RIMS2: variants seen among roughly 807,000 people sequenced by gnomAD.
RIMS2 encodes the protein regulating synaptic membrane exocytosis protein 2.
In RIMS2, 59 loss-of-function variants were observed where a neutral mutation model predicts 174.4. That is an observed-to-expected ratio of 0.34 (90% CI 0.27 to 0.42). RIMS2 has a LOEUF of 0.42. Ranked by LOEUF, RIMS2 falls within the 10% of genes least tolerant of loss-of-function variation. The probability of loss-of-function intolerance (pLI) is 1.00; values close to 1 mark genes in which losing one functional copy is unlikely to be tolerated. For missense variants in RIMS2, 1,620 were observed against 1,666.3 expected (o/e 0.97, Z 0.48); for synonymous variants, 606 against 572.5 (o/e 1.06, Z -0.84).
chr8:103,626,741 G>A (rs781410268), intron 1 of RIMS2, among the ~76,000 whole-genome samples: 8 of 152,112 alleles, frequency 5.3e-5, no homozygotes, highest in Non-Finnish European at 1.0e-4. Context: ...CTGGGCCTCC[G>A]GGGGTGTCAT....
chr8:104,159,750 C>T (rs1001864433), intron 19 of RIMS2, among the ~76,000 whole-genome samples: 9 of 152,080 alleles, frequency 5.9e-5, no homozygotes, highest in African/African-American at 1.7e-4. Context: ...TATTGGAGAC[C>T]TTTGCCCATT....
At chr8:104,015,693 A>C (rs576527067) in intron 19 of RIMS2, among the ~76,000 whole-genome samples, 12 of 152,226 alleles carry the variant, frequency 7.9e-5, no homozygotes, top group Non-Finnish European at 1.8e-4. Flanking sequence ...AAATTCTTTT[A>C]AATGACCAGA....
intron 1 of RIMS2, among the ~76,000 whole-genome samples, chr8:103,623,434 C>A (rs1024646497): frequency 1.4e-5 from 2 of 147,074 alleles, no homozygotes; most frequent in Non-Finnish European, 3.0e-5. Context: ...AATGTTGAAT[C>A]ATTTCCTTGG....
At chr8:103,938,257 G>A (rs2081720772) in intron 13 of RIMS2, among the ~76,000 whole-genome samples, 1 of 152,112 alleles carries the variant, frequency 6.6e-6, no homozygotes, top group African/African-American at 2.4e-5. Flanking sequence ...AGACATACCC[G>A]AGACTGGGAA....
chr8:103,990,786 A>G (rs1422704408), intron 17 of RIMS2, among the ~76,000 whole-genome samples: 2 of 152,050 alleles, frequency 1.3e-5, no homozygotes, highest in Non-Finnish European at 2.9e-5. Flanking sequence ...TCTGAAATGA[A>G]TTTAAACTTT....
chr8:103,923,274 TGC>T (rs2078076877), intron 10 of RIMS2, among the ~76,000 whole-genome samples: 1 of 151,878 alleles, frequency 6.6e-6, no homozygotes. Flanking sequence ...TGTGTGTGTG[TGC>T]GTGCGTGTCT....
At chr8:103,944,200 G>C (rs1246703588) in intron 14 of RIMS2, among the ~76,000 whole-genome samples, 9 of 151,938 alleles carry the variant, frequency 5.9e-5, no homozygotes, top group Non-Finnish European at 1.2e-4. Context: ...ATGTCTTTCA[G>C]CCTCCCCACA....
chr8:103,703,383 G>C (rs1407028859), intron 2 of RIMS2, among the ~76,000 whole-genome samples: 1 of 151,832 alleles, frequency 6.6e-6, no homozygotes, highest in Non-Finnish European at 1.5e-5. Context: ...GATTACAGTC[G>C]TACACCACCA....
In RIMS2 at chr8:103,896,630, G is replaced by A. The variant is rs537734118; in HGVS notation, c.1624+10407G>A. 2.0e-5 allele frequency among the ~76,000 whole-genome samples: 3 copies of A among 151,738 alleles called. No homozygotes were observed. The East Asian group carries it at 5.8e-4, about 29-fold the overall frequency. ...GAGTTTGGAATTCAGGCAAGGTTCA[G>A]CTGTGTAGTTTTTCTTCTTCAAATG... On this transcript the variant is annotated intron_variant, in intron 4 of 23. Transcript: ENST00000504942.
At chr8:103,718,949 C>T (rs958837530) in intron 2 of RIMS2, among the ~76,000 whole-genome samples, 4 of 152,148 alleles carry the variant, frequency 2.6e-5, no homozygotes, top group Non-Finnish European at 4.4e-5. Context: ...TGTGCCCCTC[C>T]TCCAACAGAC....
rs142999831 is a variant in RIMS2, at chr8:104,245,418, G to A, written c.3476+361G>A. Among the ~76,000 whole-genome samples, 408 of 152,182 alleles carry A rather than the reference G, an allele frequency of 2.7e-3. 12 individuals carry two copies. In the East Asian group the frequency reaches 0.074, roughly 28 times the overall value. ...GTGAACAATGCTAGTTTTAAGAATC[G>A]CCATCCTGAGAATTATTGCTAAAAA... On this transcript the variant is annotated intron_variant, in intron 20 of 23. Coordinates refer to ENST00000504942, the Ensembl canonical transcript of RIMS2.
intron 1 of RIMS2, among the ~76,000 whole-genome samples, chr8:103,686,411 A>C (rs1241745297): frequency 6.6e-6 from 1 of 151,952 alleles, no homozygotes; most frequent in East Asian, 1.9e-4. Flanking sequence ...TTTATTACTG[A>C]TCTTAGGGGG....
chr8:104,167,046 A>T (rs1489143359), intron 19 of RIMS2, among the ~76,000 whole-genome samples: 2 of 152,200 alleles, frequency 1.3e-5, no homozygotes, highest in East Asian at 1.9e-4. Flanking sequence ...GATTTGTTCC[A>T]TATCTTTGCC....
intron 1 of RIMS2, among the ~76,000 whole-genome samples, chr8:103,508,567 A>G (rs549528847): frequency 6.6e-6 from 1 of 152,114 alleles, no homozygotes; most frequent in South Asian, 2.1e-4. Flanking sequence ...AGGAGACTGG[A>G]GAGATGGCAA....
At chr8:103,537,062 A>C (rs879248554) in intron 1 of RIMS2, among the ~76,000 whole-genome samples, 1 of 152,254 alleles carries the variant, frequency 6.6e-6, no homozygotes, top group African/African-American at 2.4e-5. Context: ...ATAGATGAAG[A>C]AGACATGGTT....
intron 19 of RIMS2, among the ~76,000 whole-genome samples, chr8:104,180,217 A>C (rs1487897338): frequency 6.6e-6 from 1 of 151,718 alleles, no homozygotes; most frequent in East Asian, 1.9e-4. Flanking sequence ...AACTAACTAA[A>C]AGGGCATGCC....
intron 1 of RIMS2, among the ~76,000 whole-genome samples, chr8:103,665,318 G>A (rs1289404525): frequency 6.6e-6 from 1 of 152,212 alleles, no homozygotes; most frequent in Non-Finnish European, 1.5e-5. Context: ...TCATAAGTGT[G>A]ATTGGGTGTT....
chr8:104,243,201 A>G (rs553017607), intron 19 of RIMS2, among the ~76,000 whole-genome samples: 1 of 152,304 alleles, frequency 6.6e-6, no homozygotes, highest in South Asian at 2.1e-4. Context: ...AGATTGCGGA[A>G]CTGAGTTATA....
chr8:103,891,974 C>T (rs1000414980), intron 4 of RIMS2, among the ~76,000 whole-genome samples: 7 of 151,920 alleles, frequency 4.6e-5, no homozygotes, highest in African/African-American at 1.2e-4. Flanking sequence ...GTGAAATTTA[C>T]TGACTTACAT....
Sources: gnomAD v4.1 joint callset for allele counts (sites outside exome capture counted in the v4.1 genomes callset) on GRCh38, gnomAD v4.1.1 for gene constraint, MANE v1.5 for transcripts, NCBI Gene and HGNC (gene_info 2026-07-23, HGNC 2026-07-21) for gene names.